The following ADGRL3 variants were observed in gnomAD, a reference collection of about 807,000 sequenced individuals.
ADGRL3 encodes the protein adhesion G protein-coupled receptor L3.
A neutral mutation model predicts 153.5 loss-of-function variants in ADGRL3; 62 were observed. The observed-to-expected ratio is 0.40, with a 90% CI of 0.33 to 0.50. ADGRL3 has a LOEUF of 0.50. ADGRL3 is among the 20% of genes least tolerant of loss of function. ADGRL3 has a pLI of 0.47. For missense variants in ADGRL3, 1,641 were observed against 1,859.4 expected (o/e 0.88, Z 2.16); for synonymous variants, 710 against 672.5 (o/e 1.06, Z -0.86).
intron 1 of ADGRL3, among the ~76,000 whole-genome samples, chr4:61,314,208 G>GT (rs372800861): frequency 0.038 from 5,349 of 141,866 alleles, 162 homozygotes; most frequent in African/African-American, 0.083. Flanking sequence ...CTACTTTGAA[G>GT]TTTTTTTTTT....
intron 3 of ADGRL3, among the ~76,000 whole-genome samples, chr4:61,504,897 C>T (rs2098417452): frequency 6.6e-6 from 1 of 152,236 alleles, no homozygotes; most frequent in South Asian, 2.1e-4. Flanking sequence ...CTTGGCCATT[C>T]TGAATAGCGT....
In ADGRL3 at chr4:61,991,906, TA is replaced by T. The variant is rs573808358; in HGVS notation, c.3237-4384del. On this transcript the variant is annotated intron_variant, in intron 19 of 26. Transcript: ENST00000683033. ...ATACATTATATTTATAAAATACATT[TA>T]TATATAAATATATTTATAATATTAC... Among the ~76,000 whole-genome samples, 626 of 147,992 alleles carry T rather than the reference TA, an allele frequency of 4.2e-3. 5 individuals are homozygous for T. The highest frequency in any genetic ancestry group is 0.014 in the African/African-American group (580 of 40,882).
chr4:61,458,018 A>T (rs1023038561), intron 2 of ADGRL3, among the ~76,000 whole-genome samples: 1 of 151,808 alleles, frequency 6.6e-6, no homozygotes, highest in Admixed American at 6.6e-5. Context: ...GATATTGTGA[A>T]ATGCCTTTTT....
At chr4:61,967,006 A>G (rs2099009325) in intron 17 of ADGRL3, among the ~76,000 whole-genome samples, 1 of 152,180 alleles carries the variant, frequency 6.6e-6, no homozygotes, top group Non-Finnish European at 1.5e-5. Context: ...TAGAGAGCCA[A>G]TGGGAAATAG....
chr4:61,699,141 T>C (rs981538261), intron 6 of ADGRL3, among the ~76,000 whole-genome samples: 1 of 152,130 alleles, frequency 6.6e-6, no homozygotes, highest in African/African-American at 2.4e-5. Context: ...GCAGCCGAAA[T>C]AGATGCTTTC....
intron 1 of ADGRL3, among the ~76,000 whole-genome samples, chr4:61,341,314 G>C (rs1245148787): frequency 6.6e-6 from 1 of 151,786 alleles, no homozygotes; most frequent in East Asian, 1.9e-4. Context: ...ATTTTCCTTT[G>C]AGTAAACTTT....
At chr4:61,461,240 C>G (rs1173131944) in intron 2 of ADGRL3, among the ~76,000 whole-genome samples, 1 of 152,044 alleles carries the variant, frequency 6.6e-6, no homozygotes, top group Non-Finnish European at 1.5e-5. Flanking sequence ...GGTGGGGACA[C>G]AGCAAACCAT....
intron 6 of ADGRL3, among the ~76,000 whole-genome samples, chr4:61,704,105 G>C (rs2095815309): frequency 6.6e-6 from 1 of 151,978 alleles, no homozygotes; most frequent in Non-Finnish European, 1.5e-5. Flanking sequence ...GATTTTAATG[G>C]GAACATAAAA....
intron 1 of ADGRL3, among the ~76,000 whole-genome samples, chr4:61,205,394 G>A (rs1736640865): frequency 6.6e-6 from 1 of 152,158 alleles, no homozygotes; most frequent in African/African-American, 2.4e-5. Context: ...ATTTAGCATG[G>A]TGTGAATGGC....
chr4:61,532,752 T>TAAAA (rs75750017), intron 4 of ADGRL3, among the ~76,000 whole-genome samples: 2 of 142,170 alleles, frequency 1.4e-5, no homozygotes, highest in African/African-American at 5.1e-5. Flanking sequence ...TTTAGATGTT[T>TAAAA]AAAAAAAAAA....
intron 1 of ADGRL3, among the ~76,000 whole-genome samples, chr4:61,309,181 C>T (rs1049464225): frequency 5.3e-5 from 8 of 152,150 alleles, no homozygotes; most frequent in African/African-American, 1.9e-4. Context: ...GAAGTCACAT[C>T]TGTTCATTAC....
chr4:61,540,945 C>A (rs2098687002), intron 4 of ADGRL3, among the ~76,000 whole-genome samples: 2 of 151,794 alleles, frequency 1.3e-5, no homozygotes, highest in South Asian at 4.2e-4. Flanking sequence ...AACATATTCC[C>A]CAAAAGAAAA....
At position 61,936,020 on chromosome 4, in the gene ADGRL3, T is replaced by C. The variant is rs1363652490; in HGVS notation, c.2394T>C (p.Asn798=). The change falls in exon 15 of 27, where the codon AAT becomes AAC. Residue 798 remains asparagine, a synonymous_variant. Coordinates refer to ENST00000683033, the MANE Select transcript of ADGRL3 (RefSeq NM_001387552.1). ...GAAGCACTATCCAGCTGTCTGCAAATACCTTAAAGCAAAATGGCCGAAATG... is the reference window on the plus strand; with the variant it reads ...GAAGCACTATCCAGCTGTCTGCAAACACCTTAAAGCAAAATGGCCGAAATG... ...GHGSTIQLSA[N]TLKQNGRNGE... 1 of 1,611,040 alleles carries C rather than the reference T, an allele frequency of 6.2e-7. No homozygotes were observed. Among genetic ancestry groups the C allele is most frequent in the Non-Finnish European group, 8.5e-7 (1 of 1,178,570 alleles).
intron 8 of ADGRL3, among the ~76,000 whole-genome samples, chr4:61,779,115 G>T (rs374133123): frequency 1.3e-5 from 2 of 151,908 alleles, no homozygotes; most frequent in East Asian, 1.9e-4. Context: ...ACAATGTTAT[G>T]TAATTATTTG....
At chr4:61,910,666 C>T (rs1477995354) in intron 12 of ADGRL3, among the ~76,000 whole-genome samples, 3 of 151,578 alleles carry the variant, frequency 2.0e-5, no homozygotes, top group African/African-American at 7.3e-5. Context: ...AGCCTTACTA[C>T]TTTAAAAAAC....
chr4:61,703,147 T>C lies in ADGRL3; in HGVS notation c.583+26212T>C, dbSNP rs180678504. Among the ~76,000 whole-genome samples, 223 of 152,296 alleles carry C rather than the reference T, an allele frequency of 1.5e-3. 2 individuals are homozygous for C. The highest frequency in any genetic ancestry group is 5.0e-3 in the African/African-American group (206 of 41,580). ...TCTTATCATAATGAGAATCCTTAAG[T>C]AATTTACGTAAATTATCCATGCCTC... is the stretch of plus-strand genomic sequence containing the variant. On this transcript the variant is annotated intron_variant, in intron 6 of 26. Transcript: ENST00000683033.
intron 2 of ADGRL3, among the ~76,000 whole-genome samples, chr4:61,461,629 A>C (rs2152593455): frequency 6.6e-6 from 1 of 152,326 alleles, no homozygotes; most frequent in East Asian, 1.9e-4. Flanking sequence ...AAAATGTATA[A>C]ATTTTATGTC....
At position 61,752,356 on chromosome 4, in the gene ADGRL3, A is replaced by G. The variant is rs142276978; in HGVS notation, c.1399+18802A>G. Among the ~76,000 whole-genome samples the G allele has an allele frequency of 3.0e-4, 45 of 152,036 alleles. No individual in the cohort carries two copies. In the East Asian group the frequency reaches 3.9e-3, roughly 13 times the overall value. ...TGCCTATTACTAGCCTGGAAAGCCT[A>G]TTATATTGCCTATTATTATATTGCC... On this transcript the variant is annotated intron_variant, in intron 8 of 26. Coordinates refer to ENST00000683033, the MANE Select transcript of ADGRL3 (RefSeq NM_001387552.1).
At chr4:61,595,027 G>C (rs186395264) in intron 5 of ADGRL3, among the ~76,000 whole-genome samples, 3 of 152,088 alleles carry the variant, frequency 2.0e-5, no homozygotes, top group African/African-American at 7.2e-5. Context: ...CTCAGCTTGT[G>C]TGAATGTTGC....
Sources: allele counts gnomAD v4.1 joint callset (sites outside exome capture counted in the v4.1 genomes callset), GRCh38; gene constraint gnomAD v4.1.1; transcripts MANE v1.5; gene names NCBI Gene and HGNC (gene_info 2026-07-23, HGNC 2026-07-21).